VPS13A: variants seen among roughly 807,000 people sequenced by gnomAD.
The protein encoded by VPS13A is intermembrane lipid transfer protein VPS13A.
VPS13A carries 264 observed loss-of-function variants against 390.9 expected under a neutral mutation model. The ratio of observed to expected loss-of-function variants is 0.68; its 90% CI spans 0.61 to 0.75. The LOEUF is 0.75. VPS13A is among the 30% of genes least tolerant of loss of function. The pLI is 0.00. For missense variants in VPS13A, 3,409 were observed against 3,733.9 expected, an observed-to-expected ratio of 0.91 and a Z score of 2.27; for synonymous variants, 1,231 against 1,227.1, an observed-to-expected ratio of 1.00 and a Z score of -0.07.
At chr9:77,218,243 A>G (rs1392873263) in intron 10 of VPS13A, among the ~76,000 whole-genome samples, 1 of 151,224 alleles carries the variant, frequency 6.6e-6, no homozygotes, top group African/African-American at 2.4e-5. Context: ...ACTCCCGAGT[A>G]GCTGGGACTA....
Position 77,407,477 on chromosome 9 carries a change from T to C in VPS13A, c.9400-56T>C, listed in dbSNP as rs1472255114. On this transcript the variant is annotated intron_variant, in intron 70 of 71. Transcript: ENST00000360280. ...GTAATAAAGCTTTGTGGCATTTCTT[T>C]ATGGATTTTTACAACCAGATTATCT... 14 of 1,435,962 alleles carry C rather than the reference T, an allele frequency of 9.7e-6. No homozygotes were observed. The East Asian group carries it at 2.5e-4, about 26-fold the overall frequency. The allele number at this position is 1,435,962 out of a possible 1,614,324, so 89.0% of individuals were successfully genotyped here. A position where few individuals can be genotyped will look rare whatever the true frequency, so the allele number is the denominator to read the frequency against.
chr9:77,230,252 A>G (rs761653214), intron 17 of VPS13A, among the ~76,000 whole-genome samples: 4 of 151,962 alleles, frequency 2.6e-5, no homozygotes, highest in Non-Finnish European at 5.9e-5. Context: ...AGTCAAATTT[A>G]TATTTTTTTT....
chr9:77,274,864 G>T (rs540279309), intron 24 of VPS13A, among the ~76,000 whole-genome samples: 30 of 152,084 alleles, frequency 2.0e-4, no homozygotes, highest in African/African-American at 7.2e-4. Flanking sequence ...GTTTATTAGG[G>T]ATATACTTCT....
At chr9:77,312,457 C>T (rs144767682) in intron 35 of VPS13A, among the ~76,000 whole-genome samples, 7 of 149,958 alleles carry the variant, frequency 4.7e-5, no homozygotes, top group Admixed American at 1.3e-4. Context: ...GATGGAGTCT[C>T]GCTTTGTCAC....
intron 26 of VPS13A, among the ~76,000 whole-genome samples, chr9:77,277,503 T>A (rs1271273498): frequency 2.6e-5 from 4 of 152,206 alleles, no homozygotes; most frequent in Non-Finnish European, 5.9e-5. Context: ...TGGACATGTA[T>A]AATGACATGC....
Position 77,315,420 on chromosome 9 carries a change from C to T in VPS13A, c.4580C>T (p.Thr1527Ile). 6.2e-7 allele frequency: 1 copy of T among 1,613,944 alleles called. No individual in the cohort carries two copies. Among genetic ancestry groups the T allele is most frequent in the Non-Finnish European group, 8.5e-7 (1 of 1,179,862 alleles). The change falls in exon 38 of 72, where the codon ACA becomes ATA. Residue 1527 changes from threonine to isoleucine, a missense_variant. Thr to Ile is a moderately conservative substitution (Grantham distance 89). This residue lies in a region of VPS13A where 2,717 missense variants were observed against 2,917.4 expected (regional missense o/e 0.93). Coordinates refer to ENST00000360280, the MANE Select transcript of VPS13A (RefSeq NM_033305.3). ...AATGTCTTTCTTGAGGCCTACACCA[C>T]AGGCACTGCTGTAGAAACCAGTGTG... is the stretch of plus-strand genomic sequence containing the variant. ...VANVFLEAYT[T>I]GTAVETSVQT...
At chr9:77,274,399 G>A (rs531262097) in intron 24 of VPS13A, among the ~76,000 whole-genome samples, 89 of 143,540 alleles carry the variant, frequency 6.2e-4, no homozygotes, top group South Asian at 1.5e-3. Flanking sequence ...CTGTGCTCCA[G>A]CCTGGTGACA....
chr9:77,293,683 G>A (rs952227517), intron 32 of VPS13A, among the ~76,000 whole-genome samples, 175 bp downstream of exon 32: 1 of 151,242 alleles, frequency 6.6e-6, no homozygotes, highest in Non-Finnish European at 1.5e-5. Flanking sequence ...ATATAACATC[G>A]TTTTGACATA....
At chr9:77,321,083 A>C in intron 42 of VPS13A, 86 bp from the exon 43 acceptor site, 3 of 1,220,428 alleles carry the variant, frequency 2.5e-6, no homozygotes, top group Non-Finnish European at 3.6e-6. Context: ...AAATGTACTG[A>C]CCTTTCTAAT....
chr9:77,241,718 C>T (rs1372242172), intron 19 of VPS13A, among the ~76,000 whole-genome samples: 1 of 152,158 alleles, frequency 6.6e-6, no homozygotes, highest in East Asian at 1.9e-4. Flanking sequence ...TATATTTCTT[C>T]TGCCAGGTAC....
At chr9:77,208,173 A>G (rs907796702) in intron 5 of VPS13A, among the ~76,000 whole-genome samples, 1 of 152,186 alleles carries the variant, frequency 6.6e-6, no homozygotes, top group African/African-American at 2.4e-5. Context: ...GTGAGAGTCA[A>G]AGATTAAAAT....
chr9:77,336,653 A>G (rs1033721749), intron 46 of VPS13A, among the ~76,000 whole-genome samples: 2 of 152,116 alleles, frequency 1.3e-5, no homozygotes, highest in African/African-American at 2.4e-5. Flanking sequence ...TTCTTTGCAT[A>G]TATAACTGAT....
intron 59 of VPS13A, among the ~76,000 whole-genome samples, chr9:77,364,180 C>CT (rs982841000): frequency 1.3e-5 from 2 of 152,142 alleles, no homozygotes; most frequent in African/African-American, 4.8e-5. Context: ...AATCCCAGCA[C>CT]TTTGGGAGGC....
rs192099541 is a variant in VPS13A at position 77,233,172 on chromosome 9, C to T, written c.1596-4830C>T. ...ATTTATATATTTCTAGGAATTTGTTCATTTATCTATTTTGTTGGTACTGTT... is the reference window on the plus strand; with the variant it reads ...ATTTATATATTTCTAGGAATTTGTTTATTTATCTATTTTGTTGGTACTGTT... On this transcript the variant is annotated intron_variant, in intron 17 of 71. Coordinates refer to ENST00000360280, the MANE Select transcript of VPS13A (RefSeq NM_033305.3). Among the ~76,000 whole-genome samples the T allele has an allele frequency of 1.4e-3, 217 of 151,910 alleles. 1 individual carries two copies. The highest frequency in any genetic ancestry group is 5.1e-3 in the African/African-American group (210 of 41,458).
chr9:77,279,999 A>G (rs1826921918), intron 26 of VPS13A, 160 bp from the exon 27 acceptor site: 1 of 535,344 alleles, frequency 1.9e-6, no homozygotes, highest in African/African-American at 1.9e-5. Flanking sequence ...TTTAGAGTTT[A>G]AAGAACAAAG....
At chr9:77,321,454 A>G in intron 43 of VPS13A, 37 bp from the exon 44 acceptor site, 1 of 1,610,844 alleles carries the variant, frequency 6.2e-7, no homozygotes, top group Non-Finnish European at 8.5e-7. Flanking sequence ...TTAATTTTAC[A>G]CATTTCATTT....
chr9:77,409,471 G>A (rs1414428934), intron 71 of VPS13A, among the ~76,000 whole-genome samples: 1 of 152,216 alleles, frequency 6.6e-6, no homozygotes, highest in African/African-American at 2.4e-5. Flanking sequence ...CAAGTTGAGA[G>A]AAGAAGGCTT....
At chr9:77,255,039 G>GC (rs1391887342) in intron 22 of VPS13A, among the ~76,000 whole-genome samples, 6 of 152,116 alleles carry the variant, frequency 3.9e-5, no homozygotes, top group African/African-American at 1.4e-4. Context: ...TTGAATAGAA[G>GC]TAGTTTAGGT....
chr9:77,207,241 A>ATGTATACG (rs1564630374), intron 5 of VPS13A, among the ~76,000 whole-genome samples: 1 of 110,884 alleles, frequency 9.0e-6, no homozygotes. Context: ...ATATATATAT[A>ATGTATACG]TATATATATA....
Sources: gnomAD v4.1 joint callset for allele counts (sites outside exome capture counted in the v4.1 genomes callset) on GRCh38, gnomAD v4.1.1 for gene constraint, gnomAD v4.1.1 regional missense constraint, MANE v1.5 for transcripts, NCBI Gene and HGNC (gene_info 2026-07-23, HGNC 2026-07-21) for gene names.